Variants in TENT4B observed in about 807,000 individuals in gnomAD.
TENT4B encodes terminal nucleotidyltransferase 4B.
TENT4B carries 10 observed loss-of-function variants against 75.0 expected under a neutral mutation model. The ratio of observed to expected loss-of-function variants is 0.13; its 90% CI spans 0.08 to 0.23. The LOEUF (loss-of-function observed/expected upper bound fraction) is 0.23. TENT4B is among the 10% of genes least tolerant of loss of function. TENT4B has a pLI of 1.00. For synonymous variants in TENT4B, 350 were observed against 357.7 expected, an observed-to-expected ratio of 0.98 and a Z score of 0.24; for missense variants, 579 against 893.8, an observed-to-expected ratio of 0.65 and a Z score of 4.49.
chr16:50,224,728 T>C lies in TENT4B; in HGVS notation c.1453T>C (p.Leu485=). The C allele has an allele frequency of 6.2e-7, 1 of 1,614,058 alleles. No individual in the cohort carries two copies. Among genetic ancestry groups the C allele is most frequent in the Non-Finnish European group, 8.5e-7 (1 of 1,179,894 alleles). Residue 485 remains leucine (L), a synonymous_variant, in exon 8 of 12, where the codon TTG becomes CTG. Transcript: ENST00000561678. ...KQAFDYAYVV[L]SHAVSPIAKY... ...GGCCTTTGATTATGCCTACGTTGTT[T>C]TGAGTCATGCTGTATCACCAATAGC...
intron 1 of TENT4B, among the ~76,000 whole-genome samples, chr16:50,186,718 AGT>A (rs1352506765): frequency 6.6e-6 from 1 of 151,880 alleles, no homozygotes; most frequent in Non-Finnish European, 1.5e-5. Context: ...CAAGGGCTCC[AGT>A]CTCTCCCCAT....
At chr16:50,208,905 A>C (rs1229269070) in intron 1 of TENT4B, among the ~76,000 whole-genome samples, 1 of 152,020 alleles carries the variant, frequency 6.6e-6, no homozygotes, top group Non-Finnish European at 1.5e-5. Flanking sequence ...GCTAATTTTT[A>C]TATTTTTAGT....
rs1346358488 is a variant in TENT4B at position 50,230,388 on chromosome 16, C to T, written c.*1060C>T. The T allele has an allele frequency of 1.0e-6, 1 of 984,260 alleles. No individual in the cohort carries two copies. Among genetic ancestry groups the T allele is most frequent in the East Asian group, 1.1e-4 (1 of 8,766 alleles). 61.0% of individuals were successfully genotyped at this position (984,260 alleles called of 1,614,324 possible). A position where few individuals can be genotyped will look rare whatever the true frequency, so the allele number is the denominator to read the frequency against. On this transcript the variant is annotated 3_prime_UTR_variant, in exon 12 of 12. Coordinates refer to ENST00000561678, the MANE Select transcript of TENT4B (RefSeq NM_001365324.3). ...TTCCACAGACTTTGCATGCTGGCTTCTCTAACCCTGTGTGCTGCGTGTGCC... is the reference window on the plus strand; with the variant it reads ...TTCCACAGACTTTGCATGCTGGCTTTTCTAACCCTGTGTGCTGCGTGTGCC...
chr16:50,211,274 C>A, intron 1 of TENT4B, 49 bp from the exon 2 acceptor site: 1 of 1,519,170 alleles, frequency 6.6e-7, no homozygotes. Flanking sequence ...ATAGTGATTT[C>A]TCATTAGATT....
rs1329636244 is a variant in TENT4B, at chr16:50,234,680, CA to C, written c.*5354del. 1.0e-6 allele frequency: 1 copy of C among 985,298 alleles called. No homozygotes were observed. Among genetic ancestry groups the C allele is most frequent in the Non-Finnish European group, 1.2e-6 (1 of 829,944 alleles). 61.0% of individuals were successfully genotyped at this position (985,298 alleles called of 1,614,324 possible). A position where few individuals can be genotyped will look rare whatever the true frequency, so the allele number is the denominator to read the frequency against. On this transcript the variant is annotated 3_prime_UTR_variant, in exon 12 of 12. Transcript: ENST00000561678. ...AGTCCTACAATCCTAAAATAAATCA[CA>C]AGCTTGTTTGTTAGACGTGTCAAGA...
chr16:50,227,341 A>C (rs1345249520), intron 10 of TENT4B, among the ~76,000 whole-genome samples: 1 of 152,184 alleles, frequency 6.6e-6, no homozygotes, highest in African/African-American at 2.4e-5. Flanking sequence ...GAGACGTAGC[A>C]TTGTCATGGC....
At chr16:50,166,889 C>T (rs891336763) in intron 1 of TENT4B, among the ~76,000 whole-genome samples, 2 of 151,604 alleles carry the variant, frequency 1.3e-5, no homozygotes, top group East Asian at 3.9e-4. Flanking sequence ...CTCAGCTTCC[C>T]AAAGTGCTGG....
At chr16:50,213,355 G>A (rs1278574087) in intron 2 of TENT4B, among the ~76,000 whole-genome samples, 4 of 152,080 alleles carry the variant, frequency 2.6e-5, no homozygotes, top group South Asian at 2.1e-4. Context: ...CACTGTGCCC[G>A]GCCTATCCTT....
At position 50,232,928 on chromosome 16, in the gene TENT4B, C is replaced by G; in HGVS notation, c.*3600C>G. The G allele has an allele frequency of 4.1e-6, 4 of 985,338 alleles. No individual in the cohort carries two copies. Among genetic ancestry groups the G allele is most frequent in the Non-Finnish European group, 4.8e-6 (4 of 829,888 alleles). 61.0% of individuals were successfully genotyped at this position (985,338 alleles called of 1,614,324 possible). Reference sequence around the variant, plus strand: ...CAGTCAAAACTAAATGGTAAACTATCAAAAATACATTCCCAATTTTGCTGT... The same window carrying G: ...CAGTCAAAACTAAATGGTAAACTATGAAAAATACATTCCCAATTTTGCTGT... On this transcript the variant is annotated 3_prime_UTR_variant, in exon 12 of 12. Transcript: ENST00000561678.
chr16:50,160,525 G>A lies in TENT4B; in HGVS notation c.638+6266G>A, dbSNP rs1482142698. Among the ~76,000 whole-genome samples, 4 of 152,160 alleles carry A rather than the reference G, an allele frequency of 2.6e-5. No homozygotes were observed. The East Asian group carries it at 7.7e-4, about 29-fold the overall frequency. ...AATTCTGATCCTGGCATGCCAGATG[G>A]CCTTACATCTCAATTTCTTCCGTGA... On this transcript the variant is annotated intron_variant, in intron 1 of 11. Transcript: ENST00000561678.
intron 1 of TENT4B, among the ~76,000 whole-genome samples, chr16:50,159,518 G>A (rs143539257): frequency 6.6e-6 from 1 of 152,054 alleles, no homozygotes; most frequent in Admixed American, 6.6e-5. Context: ...GGGATTACAG[G>A]CATGAGCCAC....
chr16:50,205,652 A>G (rs564323904), intron 1 of TENT4B, among the ~76,000 whole-genome samples: 1 of 119,558 alleles, frequency 8.4e-6, no homozygotes, highest in South Asian at 2.8e-4. Context: ...GTGCAGTGGC[A>G]TGATCTCAGC....
intron 1 of TENT4B, among the ~76,000 whole-genome samples, chr16:50,185,121 C>G (rs1186304049): frequency 6.6e-6 from 1 of 152,172 alleles, no homozygotes; most frequent in Non-Finnish European, 1.5e-5. Flanking sequence ...AAGCAAGCTC[C>G]AAGTTGTAGT....
chr16:50,165,893 A>G (rs1228801680), intron 1 of TENT4B, among the ~76,000 whole-genome samples: 2 of 152,132 alleles, frequency 1.3e-5, no homozygotes, highest in Non-Finnish European at 1.5e-5. Context: ...GTTCATGTAC[A>G]AGTTTTTATG....
chr16:50,223,306 G>A lies in TENT4B; in HGVS notation c.1300G>A (p.Val434Met), dbSNP rs760838738. Reference sequence around the variant, plus strand: ...CCGGATAAAGGATGGTGGTTCATATGTGGCCAAAGATGAAGTACAGAAAAA... The same window carrying A: ...CCGGATAAAGGATGGTGGTTCATATATGGCCAAAGATGAAGTACAGAAAAA... The part of the protein sequence containing the change: ...GIRIKDGGSY[V>M]AKDEVQKNML... The change falls in exon 7 of 12, where the codon GTG becomes ATG. Residue 434 changes from valine (V) to methionine (M), a missense_variant. Physicochemically the swap from Val to Met is conservative, Grantham distance 21. This residue lies in a region of TENT4B where 71 missense variants were observed against 210.6 expected (regional missense o/e 0.34). Coordinates refer to ENST00000561678, the MANE Select transcript of TENT4B (RefSeq NM_001365324.3). The A allele has an allele frequency of 6.2e-7, 1 of 1,613,892 alleles. No homozygotes were observed. Among genetic ancestry groups the A allele is most frequent in the Non-Finnish European group, 8.5e-7 (1 of 1,179,856 alleles).
Position 50,154,182 on chromosome 16 carries a change from C to G in TENT4B, c.561C>G (p.Gly187=). The G allele has an allele frequency of 6.6e-7, 1 of 1,506,876 alleles. No homozygotes were observed. The highest frequency in any genetic ancestry group is 2.6e-5 in the East Asian group (1 of 38,958). 93.3% of individuals were successfully genotyped at this position (1,506,876 alleles called of 1,614,324 possible). Residue 187 remains glycine (G), a synonymous_variant, in exon 1 of 12, where the codon GGC becomes GGG. Transcript: ENST00000561678. ...CCAGCGGAGGGCGGGCCGCGGGGGG[C>G]GGCCGAGCAGACGGCGGCGGGGTCG... ...LQPSGGRAAG[G]GRADGGGVVY...
intron 3 of TENT4B, among the ~76,000 whole-genome samples, chr16:50,214,930 C>T (rs778038542): frequency 2.0e-5 from 3 of 152,092 alleles, no homozygotes; most frequent in South Asian, 2.1e-4. Context: ...TGTGAGTTCC[C>T]GCTGTCTTGC....
chr16:50,176,121 C>G (rs1292664996), intron 1 of TENT4B, among the ~76,000 whole-genome samples: 2 of 149,366 alleles, frequency 1.3e-5, no homozygotes, highest in African/African-American at 4.9e-5. Flanking sequence ...CAGTCTTACT[C>G]TGTTGCCCAG....
intron 3 of TENT4B, among the ~76,000 whole-genome samples, chr16:50,214,614 C>T (rs2031455841): frequency 6.6e-6 from 1 of 152,134 alleles, no homozygotes; most frequent in Non-Finnish European, 1.5e-5. Flanking sequence ...CGAGATCGCG[C>T]CACTGCACTC....
Sources: gnomAD v4.1 joint callset for allele counts (sites outside exome capture counted in the v4.1 genomes callset) on GRCh38, gnomAD v4.1.1 for gene constraint, gnomAD v4.1.1 regional missense constraint, MANE v1.5 for transcripts, NCBI Gene and HGNC (gene_info 2026-07-23, HGNC 2026-07-21) for gene names.